Variants in FUT8 observed in about 807,000 individuals in gnomAD.
FUT8 encodes alpha-(1,6)-fucosyltransferase.
In FUT8, 29 loss-of-function variants were observed where a neutral mutation model predicts 71.3. That is an observed-to-expected ratio of 0.41 (90% CI 0.30 to 0.55). FUT8 has a LOEUF of 0.55. Among genes scored for constraint, FUT8 ranks in the 20% least tolerant of loss-of-function variants. The probability of loss-of-function intolerance (pLI) is 0.34; values close to 1 mark genes in which losing one functional copy is unlikely to be tolerated. For missense variants in FUT8, 544 were observed against 702.1 expected (o/e 0.77, Z 2.55); for synonymous variants, 254 against 239.3 (o/e 1.06, Z -0.57).
At chr14:65,723,578 C>A (rs1418092001) in intron 8 of FUT8, among the ~76,000 whole-genome samples, 2 of 152,138 alleles carry the variant, frequency 1.3e-5, no homozygotes, top group African/African-American at 4.8e-5. Flanking sequence ...ATAGTAAAAA[C>A]CGTTAAAAGG....
intron 10 of FUT8, among the ~76,000 whole-genome samples, chr14:65,735,533 A>C (rs1896178698): frequency 6.6e-6 from 1 of 152,162 alleles, no homozygotes; most frequent in Non-Finnish European, 1.5e-5. Flanking sequence ...TTTGCCCAAA[A>C]TAATTTCACT....
intron 2 of FUT8, among the ~76,000 whole-genome samples, chr14:65,501,571 C>G (rs527324846): frequency 6.6e-6 from 1 of 152,292 alleles, no homozygotes; most frequent in Non-Finnish European, 1.5e-5. Context: ...CATTCTCCCT[C>G]TAGTGTCCTT....
chr14:65,428,751 T>C (rs541365498), intron 1 of FUT8, among the ~76,000 whole-genome samples: 41 of 152,208 alleles, frequency 2.7e-4, no homozygotes, highest in Non-Finnish European at 5.1e-4. Context: ...CATAGTTGAA[T>C]AATTCTGTGA....
At chr14:65,507,621 A>G (rs551544729) in intron 2 of FUT8, among the ~76,000 whole-genome samples, 5 of 152,334 alleles carry the variant, frequency 3.3e-5, no homozygotes, top group Admixed American at 2.0e-4. Context: ...CATGTTGCAC[A>G]TGACAGGATC....
At chr14:65,435,977 G>A (rs2065552108) in intron 1 of FUT8, among the ~76,000 whole-genome samples, 1 of 146,798 alleles carries the variant, frequency 6.8e-6, no homozygotes, top group Non-Finnish European at 1.5e-5. Flanking sequence ...TACCCAGACT[G>A]GAGTGCAGTG....
At chr14:65,543,966 A>G (rs1204979045) in intron 2 of FUT8, among the ~76,000 whole-genome samples, 1 of 152,186 alleles carries the variant, frequency 6.6e-6, no homozygotes, top group Non-Finnish European at 1.5e-5. Flanking sequence ...ATTGAACCCC[A>G]TTGAATTAGC....
chr14:65,475,689 C>T lies in FUT8; in HGVS notation c.-228+19971C>T, dbSNP rs575419578. On this transcript the variant is annotated intron_variant, in intron 2 of 10. Transcript: ENST00000673929. ...TCAGGTATTTGAGGCTGCAGTGAGG[C>T]TGCAGTGAGGCTGAGCTCTACCATA... Among the ~76,000 whole-genome samples the T allele has an allele frequency of 3.6e-4, 55 of 152,202 alleles. 2 individuals carry two copies. In the South Asian group the frequency reaches 4.4e-3, roughly 12 times the overall value.
rs535090819 is a variant in FUT8 at position 65,497,065 on chromosome 14, C to A, written c.-228+41347C>A. Among the ~76,000 whole-genome samples the A allele has an allele frequency of 3.0e-4, 46 of 152,160 alleles. 1 individual carries two copies. In the South Asian group the frequency reaches 9.6e-3, roughly 32 times the overall value. On this transcript the variant is annotated intron_variant, in intron 2 of 10. Transcript: ENST00000673929. Reference sequence around the variant, plus strand: ...CTTTTTATTGAGCATTTATTTATTCCAGCCAGACACTGTGTTACATACTTC... The same window carrying A: ...CTTTTTATTGAGCATTTATTTATTCAAGCCAGACACTGTGTTACATACTTC...
intron 3 of FUT8, among the ~76,000 whole-genome samples, chr14:65,602,159 C>T (rs573801520): frequency 3.3e-5 from 5 of 151,142 alleles, no homozygotes; most frequent in Admixed American, 2.7e-4. Flanking sequence ...CCCCAAAGTC[C>T]GTCGTATCCT....
intron 7 of FUT8, among the ~76,000 whole-genome samples, chr14:65,696,201 A>AT (rs764851286): frequency 5.1e-4 from 77 of 152,128 alleles, no homozygotes; most frequent in Non-Finnish European, 9.3e-4. Context: ...CTTTATACAT[A>AT]TTTGAGTTTA....
intron 7 of FUT8, among the ~76,000 whole-genome samples, chr14:65,692,552 G>T (rs1182379045): frequency 6.8e-6 from 1 of 147,466 alleles, no homozygotes; most frequent in Non-Finnish European, 1.5e-5. Context: ...TGGCCGGGAG[G>T]GGGGCTGACC....
At chr14:65,707,459 C>G (rs1416011984) in intron 7 of FUT8, among the ~76,000 whole-genome samples, 1 of 151,964 alleles carries the variant, frequency 6.6e-6, no homozygotes, top group African/African-American at 2.4e-5. Flanking sequence ...TATCTCTTCA[C>G]TCTCGTTTTC....
At chr14:65,570,505 A>G (rs1886411995) in intron 3 of FUT8, among the ~76,000 whole-genome samples, 2 of 152,128 alleles carry the variant, frequency 1.3e-5, no homozygotes, top group East Asian at 1.9e-4. Flanking sequence ...ACTTATAACT[A>G]CATATACTCC....
chr14:65,572,771 C>T (rs765286372), intron 3 of FUT8, among the ~76,000 whole-genome samples: 3 of 151,994 alleles, frequency 2.0e-5, no homozygotes, highest in Non-Finnish European at 2.9e-5. Context: ...AACATGTATG[C>T]ACATAACAAC....
chr14:65,634,531 CT>C lies in FUT8; in HGVS notation c.597+4926del, dbSNP rs528787956. Among the ~76,000 whole-genome samples, 356 of 149,168 alleles carry C rather than the reference CT, an allele frequency of 2.4e-3. 1 individual carries two copies. The highest frequency in any genetic ancestry group is 8.4e-3 in the African/African-American group (341 of 40,712). ...TGTCCTATGACCCTGCCAAATCCCCCTCTGCGAGAAACACCCAAGAATGATC... is the reference window on the plus strand; with the variant it reads ...TGTCCTATGACCCTGCCAAATCCCCCCTGCGAGAAACACCCAAGAATGATC... On this transcript the variant is annotated intron_variant, in intron 6 of 10. Transcript: ENST00000673929.
chr14:65,693,183 C>T (rs1005329162), intron 7 of FUT8, among the ~76,000 whole-genome samples: 7 of 152,208 alleles, frequency 4.6e-5, no homozygotes, highest in South Asian at 4.1e-4. Flanking sequence ...TGTAGCGAGC[C>T]GAGATCACGC....
chr14:65,611,195 ACACGCGCGCGCGCGCGCGCGCGCGCG>A (rs1211836476), intron 3 of FUT8, among the ~76,000 whole-genome samples: 6 of 14,308 alleles, frequency 4.2e-4, no homozygotes, highest in African/African-American at 7.6e-4. Context: ...ACACACACAC[ACACGCGCGCGCGCGCGCGCGCGCGCG>A]CGCACACACA....
chr14:65,377,615 G>T, the FUT8 span, among the ~76,000 whole-genome samples: 2 of 152,302 alleles, frequency 1.3e-5, no homozygotes, highest in East Asian at 3.9e-4. Flanking sequence ...TGGCCTTGCT[G>T]ATTTGTTTGC....
chr14:65,501,641 C>T (rs1174977897), intron 2 of FUT8, among the ~76,000 whole-genome samples: 2 of 152,094 alleles, frequency 1.3e-5, no homozygotes, highest in Non-Finnish European at 2.9e-5. Flanking sequence ...GTTTTATTTT[C>T]AGTATTACAA....
Sources: gnomAD v4.1 joint callset for allele counts (sites outside exome capture counted in the v4.1 genomes callset) on GRCh38, gnomAD v4.1.1 for gene constraint, MANE v1.5 for transcripts, NCBI Gene and HGNC (gene_info 2026-07-23, HGNC 2026-07-21) for gene names.